Variants in SORCS1 observed in about 807,000 individuals in gnomAD.
SORCS1 encodes VPS10 domain-containing receptor SorCS1.
Under a neutral mutation model 146.1 loss-of-function variants are expected in SORCS1, and 60 were observed. That is an observed-to-expected ratio of 0.41 (90% CI 0.33 to 0.51). The LOEUF (loss-of-function observed/expected upper bound fraction) is 0.51. Among genes scored for constraint, SORCS1 ranks in the 20% least tolerant of loss-of-function variants. SORCS1 has a pLI of 0.21. For missense variants in SORCS1, 1,352 were observed against 1,487.6 expected (o/e 0.91, Z 1.50); for synonymous variants, 637 against 584.0 (o/e 1.09, Z -1.31).
At chr10:106,899,850 T>C (rs1170057404) in intron 2 of SORCS1, among the ~76,000 whole-genome samples, 3 of 152,108 alleles carry the variant, frequency 2.0e-5, no homozygotes, top group South Asian at 2.1e-4. Flanking sequence ...CTTCCAAGTA[T>C]ACAGGGTTAC....
At chr10:106,770,818 C>G (rs1389603670) in intron 4 of SORCS1, among the ~76,000 whole-genome samples, 2 of 152,236 alleles carry the variant, frequency 1.3e-5, no homozygotes, top group Non-Finnish European at 2.9e-5. Flanking sequence ...CACCTGCTCT[C>G]CAACTTCCCA....
chr10:106,978,445 C>A (rs1276436911), intron 1 of SORCS1, among the ~76,000 whole-genome samples: 3 of 152,042 alleles, frequency 2.0e-5, no homozygotes, highest in Admixed American at 1.3e-4. Flanking sequence ...ACTAGAAATA[C>A]AAAGTTTAAT....
chr10:106,933,762 A>G (rs886504614), intron 2 of SORCS1, among the ~76,000 whole-genome samples: 5 of 152,164 alleles, frequency 3.3e-5, no homozygotes, highest in Non-Finnish European at 7.3e-5. Context: ...ACGGAGCATC[A>G]TTAACTTTAC....
intron 2 of SORCS1, among the ~76,000 whole-genome samples, chr10:106,898,784 C>T: frequency 6.6e-6 from 1 of 152,118 alleles, no homozygotes; most frequent in Middle Eastern, 3.2e-3. Context: ...ATGATCAATT[C>T]TGATGGTTCT....
Position 106,823,110 on chromosome 10 carries a change from C to T in SORCS1, c.726+6464G>A, listed in dbSNP as rs185504167. On this transcript the variant is annotated intron_variant, in intron 3 of 25. Coordinates refer to ENST00000263054, the MANE Select transcript of SORCS1 (RefSeq NM_052918.5). Reference sequence around the variant, plus strand: ...TTTCTTTATGAATGAAACATACATCCTTGTTAAAAAGATTAGAGGCAAATG... The same window carrying T: ...TTTCTTTATGAATGAAACATACATCTTTGTTAAAAAGATTAGAGGCAAATG... 3.9e-4 allele frequency among the ~76,000 whole-genome samples: 60 copies of T among 152,170 alleles called. 1 individual carries two copies. The East Asian group carries it at 0.011, about 27-fold the overall frequency.
chr10:106,757,776 A>C (rs1289249138), intron 5 of SORCS1, among the ~76,000 whole-genome samples: 1 of 152,214 alleles, frequency 6.6e-6, no homozygotes, highest in Non-Finnish European at 1.5e-5. Context: ...TAAGGCTAAG[A>C]GGCAGAGACA....
chr10:106,726,348 T>A (rs1214413075), intron 6 of SORCS1, among the ~76,000 whole-genome samples: 43 of 105,594 alleles, frequency 4.1e-4, no homozygotes, highest in Non-Finnish European at 5.1e-4. Context: ...TTTCTGAAGA[T>A]GCTGCCTTCG....
Position 106,620,487 on chromosome 10 carries a change from G to A in SORCS1, c.2737C>T (p.Leu913=), listed in dbSNP as rs1589492934. The A allele has an allele frequency of 1.2e-6, 2 of 1,614,152 alleles. No homozygotes were observed. Among genetic ancestry groups the A allele is most frequent in the East Asian group, 2.2e-5 (1 of 44,880 alleles). ...AGGGTGCCCACTTGGCTGGGCCACAGCACTGCCGTCGCATTGACCTCTTTG... is the reference window on the plus strand; with the variant it reads ...AGGGTGCCCACTTGGCTGGGCCACAACACTGCCGTCGCATTGACCTCTTTG... ...KNKEVNATAV[L]WPSQVGTLTY... is the part of the protein sequence containing the mutation. Residue 913 remains leucine (L), a synonymous_variant, in exon 20 of 26, where the codon CTG becomes TTG. Transcript: ENST00000263054.
Position 106,652,434 on chromosome 10 carries a change from T to G in SORCS1, c.2423A>C (p.Lys808Thr). 3 of 1,614,146 alleles carry G rather than the reference T, an allele frequency of 1.9e-6. No individual in the cohort carries two copies. Among genetic ancestry groups the G allele is most frequent in the Non-Finnish European group, 2.5e-6 (3 of 1,180,002 alleles). Residue 808 changes from lysine to threonine, a missense_variant, in exon 18 of 26, where the codon AAG (lysine) becomes ACG (threonine). Transcript: ENST00000263054. Reference sequence around the variant, plus strand: ...GTTGTGTCCTTGTTCCGCTGTCAGCTTTCCATCAGCCGTGACTATCCGCAG... The same window carrying G: ...GTTGTGTCCTTGTTCCGCTGTCAGCGTTCCATCAGCCGTGACTATCCGCAG... The part of the protein sequence containing the change: ...RGLRIVTADG[K>T]LTAEQGHNVT...
intron 1 of SORCS1, among the ~76,000 whole-genome samples, chr10:107,046,243 C>G (rs1959420313): frequency 6.6e-6 from 1 of 152,058 alleles, no homozygotes; most frequent in African/African-American, 2.4e-5. Flanking sequence ...TGTGCTCGGC[C>G]ACCTGGCTAA....
At chr10:106,718,453 T>G (rs566762609) in intron 6 of SORCS1, among the ~76,000 whole-genome samples, 22 of 152,358 alleles carry the variant, frequency 1.4e-4, no homozygotes, top group African/African-American at 5.3e-4. Context: ...TGTTCAGATG[T>G]GTCCAGAGTT....
chr10:107,054,803 A>G (rs77914500), intron 1 of SORCS1, among the ~76,000 whole-genome samples: 3,694 of 152,304 alleles, frequency 0.024, 43 homozygotes, highest in Non-Finnish European at 0.028. Context: ...TTTTGACCTG[A>G]CGTGAACAAA....
At chr10:107,165,446 C>A (rs967682690), upstream of SORCS1, among the ~76,000 whole-genome samples, 10 of 152,050 alleles carry the variant, frequency 6.6e-5, no homozygotes, top group Admixed American at 6.6e-4. The surrounding 1 kb of genome is among the most constrained non-coding windows in gnomAD (Gnocchi z 4.0). Context: ...AAACGCTTTC[C>A]ACTACGCGTT....
At chr10:106,874,402 C>T (rs943880677) in intron 2 of SORCS1, among the ~76,000 whole-genome samples, 3 of 152,164 alleles carry the variant, frequency 2.0e-5, no homozygotes, top group Admixed American at 6.5e-5. Context: ...GCTTATCACT[C>T]AAGAAACCAA....
chr10:106,682,561 G>A (rs1349278371), intron 10 of SORCS1, among the ~76,000 whole-genome samples: 1 of 152,106 alleles, frequency 6.6e-6, no homozygotes, highest in African/African-American at 2.4e-5. Context: ...AATTAATATA[G>A]TTTATATTAG....
intron 1 of SORCS1, among the ~76,000 whole-genome samples, chr10:106,980,864 A>G (rs141368767): frequency 4.6e-4 from 70 of 152,316 alleles, no homozygotes; most frequent in African/African-American, 1.7e-3. Flanking sequence ...GTGGAGAATT[A>G]TAACTGTTAA....
rs879652542 is a variant in SORCS1, at chr10:106,693,788, T to C, written c.1413+5426A>G. ...TATCTCTAGTACTTCTTATGCTCTTTATTATAAATCAATTCAAAGGAACTT... is the reference window on the plus strand; with the variant it reads ...TATCTCTAGTACTTCTTATGCTCTTCATTATAAATCAATTCAAAGGAACTT... On this transcript the variant is annotated intron_variant, in intron 9 of 25. Coordinates refer to ENST00000263054, the MANE Select transcript of SORCS1 (RefSeq NM_052918.5). 2.3e-4 allele frequency among the ~76,000 whole-genome samples: 35 copies of C among 152,320 alleles called. 1 individual carries two copies. Among genetic ancestry groups the C allele is most frequent in the Admixed American group, 2.2e-3 (34 of 15,302 alleles).
At chr10:106,905,301 A>G (rs541405483) in intron 2 of SORCS1, among the ~76,000 whole-genome samples, 1 of 152,316 alleles carries the variant, frequency 6.6e-6, no homozygotes, top group South Asian at 2.1e-4. Context: ...GAGAAGGAAA[A>G]GATAAATGCA....
At chr10:106,792,749 C>T (rs569007578) in intron 3 of SORCS1, among the ~76,000 whole-genome samples, 22 of 152,300 alleles carry the variant, frequency 1.4e-4, no homozygotes, top group African/African-American at 4.8e-4. Context: ...CTTTGACACA[C>T]GTTACACTCA....
Sources: allele counts gnomAD v4.1 joint callset (sites outside exome capture counted in the v4.1 genomes callset), GRCh38; gene constraint gnomAD v4.1.1; non-coding constraint Gnocchi (gnomAD v3.1); transcripts MANE v1.5; gene names NCBI Gene and HGNC (gene_info 2026-07-23, HGNC 2026-07-21).